Variants in AVIL observed in about 807,000 individuals in gnomAD.
AVIL encodes the protein advillin.
A neutral mutation model predicts 109.9 loss-of-function variants in AVIL; 78 were observed. The ratio of observed to expected loss-of-function variants is 0.71; its 90% CI spans 0.59 to 0.86. AVIL has a LOEUF of 0.86. AVIL is among the 40% of genes least tolerant of loss of function. AVIL has a pLI of 0.00. For missense variants in AVIL, 892 were observed against 1,016.5 expected (o/e 0.88, Z 1.67); for synonymous variants, 367 against 379.1 (o/e 0.97, Z 0.37).
chr12:57,818,226 T>G, intron 1 of AVIL, among the ~76,000 whole-genome samples: 1 of 127,450 alleles, frequency 7.8e-6, no homozygotes, highest in African/African-American at 3.0e-5. Context: ...AGAGACAGGG[T>G]CTCACTATGT....
chr12:57,811,433 C>T (rs552136294), intron 4 of AVIL, among the ~76,000 whole-genome samples: 8 of 152,278 alleles, frequency 5.3e-5, no homozygotes, highest in Admixed American at 1.3e-4. Flanking sequence ...TGACAAAGAC[C>T]CCTGCACCAC....
Position 57,797,707 on chromosome 12 carries a change from C to A in AVIL, c.*175G>T. ...TATGGTTAACATTTTAGGTATATAA[C>A]AAGCAAGGAATGCAAGGATGAGAAA... On this transcript the variant is annotated 3_prime_UTR_variant, in exon 20 of 20. Coordinates refer to ENST00000549994, the MANE Select transcript of AVIL (RefSeq NM_006576.4). 1 of 728,834 alleles carries A rather than the reference C, an allele frequency of 1.4e-6. No individual in the cohort carries two copies. Among genetic ancestry groups the A allele is most frequent in the Non-Finnish European group, 1.9e-6 (1 of 534,098 alleles). The allele number at this position is 728,834 out of a possible 1,614,324, so 45.1% of individuals were successfully genotyped here.
rs1324766980 is a variant in AVIL, at chr12:57,803,773, A to G, written c.1672-104T>C. 4 of 1,439,446 alleles carry G rather than the reference A, an allele frequency of 2.8e-6. No homozygotes were observed. The African/African-American group carries it at 4.2e-5, about 15-fold the overall frequency. 89.2% of individuals were successfully genotyped at this position (1,439,446 alleles called of 1,614,324 possible). On this transcript the variant is annotated intron_variant, in intron 14 of 19. Transcript: ENST00000549994. ...ATAACTCAGTGTGCCAGGATCAGCT[A>G]CCAAACCACAGTCCCTCAGCCTGGG...
At chr12:57,815,033 A>G (rs10877021) in intron 2 of AVIL, 14,271 of 152,248 alleles carry the variant, frequency 0.094, 972 homozygotes, top group Admixed American at 0.23. Flanking sequence ...GCTCACTGCA[A>G]GCTCCGCCTC....
Position 57,811,114 on chromosome 12 carries a change from C to A in AVIL, c.352G>T (p.Gly118Cys). Residue 118 changes from glycine (G) to cysteine (C), a missense_variant, in exon 5 of 20, where the codon GGT becomes TGT. Physicochemically the swap from Gly to Cys is radical, Grantham distance 159. Transcript: ENST00000549994. ...ACGTGCTTCATCCCAGAGGCGACAC[C>A]CCCCTGCTTGTAGCTAAGGGAACAT... is the stretch of plus-strand genomic sequence containing the variant. ...FKQGIIYKQG[G>C]VASGMKHVET... The A allele has an allele frequency of 6.2e-7, 1 of 1,614,084 alleles. No individual in the cohort carries two copies. Among genetic ancestry groups the A allele is most frequent in the African/African-American group, 1.3e-5 (1 of 75,026 alleles).
chr12:57,813,274 C>T lies in AVIL; in HGVS notation c.291G>A (p.Gln97=), dbSNP rs1956059801. ...GGSPVQHREV[Q]YHESDTFRGY... is the part of the protein sequence containing the mutation. Reference sequence around the variant, plus strand: ...CACGGAAAGTGTCTGACTCATGGTACTGGACCTCTCGGTGCTGCACAGGGC... The same window carrying T: ...CACGGAAAGTGTCTGACTCATGGTATTGGACCTCTCGGTGCTGCACAGGGC... Residue 97 remains glutamine, a synonymous_variant, in exon 4 of 20, where the codon CAG becomes CAA. Coordinates refer to ENST00000549994, the MANE Select transcript of AVIL (RefSeq NM_006576.4). 6.2e-7 allele frequency: 1 copy of T among 1,613,960 alleles called. No homozygotes were observed. Among genetic ancestry groups the T allele is most frequent in the African/African-American group, 1.3e-5 (1 of 74,878 alleles).
Position 57,802,230 on chromosome 12 carries a change from A to G in AVIL, c.2081T>C (p.Ile694Thr). 1 of 1,614,122 alleles carries G rather than the reference A, an allele frequency of 6.2e-7. No homozygotes were observed. The highest frequency in any genetic ancestry group is 8.5e-7 in the Non-Finnish European group (1 of 1,179,988). ...SGRDPDTPIL[I>T]IKQGFEPPIF... is the part of the protein sequence containing the mutation. ...GGGAGGCTCAAACCCCTGCTTAATG[A>G]TCAGGATTGGTGTGTCGGGATCTCG... The change falls in exon 17 of 20, where the codon ATC (isoleucine) becomes ACC (threonine). Residue 694 changes from isoleucine (I) to threonine (T), a missense_variant. Ile to Thr is a moderately conservative substitution (Grantham distance 89). Coordinates refer to ENST00000549994, the MANE Select transcript of AVIL (RefSeq NM_006576.4).
intron 14 of AVIL, 89 bp downstream of exon 14, chr12:57,806,271 T>C: frequency 6.9e-7 from 1 of 1,440,272 alleles, no homozygotes; most frequent in Non-Finnish European, 9.7e-7. Flanking sequence ...TCCAGCCTAC[T>C]CTAGGTCCTT....
chr12:57,797,843 C>T lies in AVIL; in HGVS notation c.*39G>A, dbSNP rs758098156. The T allele has an allele frequency of 6.8e-7, 1 of 1,473,764 alleles. No individual in the cohort carries two copies. The highest frequency in any genetic ancestry group is 1.3e-5 in the South Asian group (1 of 77,600). The allele number at this position is 1,473,764 out of a possible 1,614,324, so 91.3% of individuals were successfully genotyped here. The stretch of plus-strand genomic sequence containing the variant: ...TTTCCTGATATTGGCACTATCTGCT[C>T]TTTTCTGTGGCCTTGCAATAGGTAT... On this transcript the variant is annotated 3_prime_UTR_variant, in exon 20 of 20. Coordinates refer to ENST00000549994, the MANE Select transcript of AVIL (RefSeq NM_006576.4).
chr12:57,817,218 G>A (rs1423927873), intron 1 of AVIL, among the ~76,000 whole-genome samples: 1 of 151,874 alleles, frequency 6.6e-6, no homozygotes, highest in Non-Finnish European at 1.5e-5. Context: ...TGGGGTTGAT[G>A]GATTTATGTA....
chr12:57,815,493 T>C, intron 2 of AVIL: 1 of 1,018,360 alleles, frequency 9.8e-7, no homozygotes, highest in Non-Finnish European at 1.3e-6. Flanking sequence ...AGCTATGGAT[T>C]GCTGGAGCTC....
At position 57,803,594 on chromosome 12, in the gene AVIL, CCA is replaced by C. The variant is rs1163693231; in HGVS notation, c.1745_1746del (p.Val582GlyfsTer22). ...AACTCGGCTGGCTCCTGGCCCTCGG[CCA>C]CAGTGTTCTCGCTGCCATCACAGAG... ...SLLCDGSENT[V>X]AEGQEPAEFW... is the part of the protein sequence containing the mutation. On this transcript the variant is annotated frameshift_variant, in exon 15 of 20. Transcript: ENST00000549994. LOFTEE classifies it high-confidence loss of function. 9.9e-6 allele frequency: 16 copies of C among 1,614,016 alleles called. No individual in the cohort carries two copies. The highest frequency in any genetic ancestry group is 1.1e-5 in the Non-Finnish European group (13 of 1,180,030).
Position 57,801,167 on chromosome 12 carries a change from CA to C in AVIL, c.2196del (p.Ala733LeufsTer10). 14 of 1,613,732 alleles carry C rather than the reference CA, an allele frequency of 8.7e-6. No individual in the cohort carries two copies. Among genetic ancestry groups the C allele is most frequent in the Non-Finnish European group, 1.2e-5 (14 of 1,179,844 alleles). ...YEQLKEELGD[A>X]AAIMRITADM... ...ACAGCAGTGATTCGCATGATAGCAG[CA>C]GCATCTCCCAGCTCTTCTTTTAATT... On this transcript the variant is annotated frameshift_variant, in exon 18 of 20. Transcript: ENST00000549994. LOFTEE classifies it high-confidence loss of function.
intron 2 of AVIL, among the ~76,000 whole-genome samples, chr12:57,815,134 A>G (rs1956085265): frequency 6.6e-6 from 1 of 152,026 alleles, no homozygotes; most frequent in East Asian, 1.9e-4. Flanking sequence ...TTGTATTTTT[A>G]GTAGAGGTGG....
intron 9 of AVIL, chr12:57,808,882 C>T: frequency 3.3e-6 from 1 of 305,860 alleles, no homozygotes; most frequent in Non-Finnish European, 6.2e-6. Context: ...GGTTCATCTG[C>T]ATGGATCTGC....
intron 9 of AVIL, chr12:57,809,269 G>A (rs1442487058): frequency 3.4e-6 from 1 of 292,592 alleles, no homozygotes; most frequent in Non-Finnish European, 6.5e-6. Context: ...CAAAGTGCTG[G>A]GATTACAGGC....
Position 57,799,830 on chromosome 12 carries a change from CCTGATTCTGGTTTT to C in AVIL, c.2297_2310del (p.Lys766ArgfsTer4). The C allele has an allele frequency of 6.2e-7, 1 of 1,614,076 alleles. No homozygotes were observed. The highest frequency in any genetic ancestry group is 8.5e-7 in the Non-Finnish European group (1 of 1,180,026). ...GCAGGGTTTACATCCTCAGGCAGCT[CCTGATTCTGGTTTT>C]TCAACAGAACTGCTATAGGGTAATA... On this transcript the variant is annotated frameshift_variant, in exon 19 of 20. Coordinates refer to ENST00000549994, the MANE Select transcript of AVIL (RefSeq NM_006576.4). LOFTEE classifies it high-confidence loss of function.
intron 11 of AVIL, 28 bp downstream of exon 11, chr12:57,808,166 G>C: frequency 6.2e-7 from 1 of 1,608,774 alleles, no homozygotes; most frequent in African/African-American, 1.3e-5. Context: ...AGTGCTGTCT[G>C]CCCTGACATT....
chr12:57,815,904 A>G (rs1310777151), intron 2 of AVIL, 71 bp downstream of exon 2: 2 of 1,607,568 alleles, frequency 1.2e-6, no homozygotes, highest in Non-Finnish European at 1.7e-6. Flanking sequence ...GCTGTTGCCT[A>G]GCAGCCCCAG....
Sources: gnomAD v4.1 joint callset for allele counts (sites outside exome capture counted in the v4.1 genomes callset) on GRCh38, gnomAD v4.1.1 for gene constraint, MANE v1.5 for transcripts, NCBI Gene and HGNC (gene_info 2026-07-23, HGNC 2026-07-21) for gene names.